The following AGBL1 variants were observed in gnomAD, a reference collection of about 807,000 sequenced individuals.
AGBL1 encodes cytosolic carboxypeptidase 4.
A neutral mutation model predicts 118.9 loss-of-function variants in AGBL1; 130 were observed. The ratio of observed to expected loss-of-function variants is 1.09; its 90% CI spans 0.95 to 1.26. The LOEUF (loss-of-function observed/expected upper bound fraction) is 1.26. Ranked by LOEUF, AGBL1 falls within the 50% of genes most tolerant of loss-of-function variation. The pLI is 0.00. For missense variants in AGBL1, 1,584 were observed against 1,298.1 expected, an observed-to-expected ratio of 1.22 and a Z score of -3.38; for synonymous variants, 555 against 478.9, an observed-to-expected ratio of 1.16 and a Z score of -2.08.
At chr15:86,747,427 G>A (rs2077773351) in intron 22 of AGBL1, among the ~76,000 whole-genome samples, 2 of 152,028 alleles carry the variant, frequency 1.3e-5, no homozygotes, top group African/African-American at 4.8e-5. Flanking sequence ...AAATGTCTAA[G>A]TATGAAAGTC....
At chr15:86,169,847 C>T (rs2077391143) in intron 5 of AGBL1, among the ~76,000 whole-genome samples, 2 of 152,182 alleles carry the variant, frequency 1.3e-5, no homozygotes, top group African/African-American at 4.8e-5. Context: ...GGCTCTGGTC[C>T]TGCCAAACAA....
At chr15:86,580,895 T>C (rs1567068924) in intron 21 of AGBL1, among the ~76,000 whole-genome samples, 1 of 151,808 alleles carries the variant, frequency 6.6e-6, no homozygotes, top group Non-Finnish European at 1.5e-5. Context: ...ATGCTTCTAA[T>C]ATTTGTATTT....
intron 5 of AGBL1, among the ~76,000 whole-genome samples, chr15:86,182,926 T>A (rs1025825690): frequency 3.3e-5 from 5 of 152,168 alleles, no homozygotes; most frequent in Non-Finnish European, 5.9e-5. Context: ...TAGCAAGAGA[T>A]GTTGTTATTT....
At chr15:86,662,332 A>G (rs992680920) in intron 21 of AGBL1, among the ~76,000 whole-genome samples, 17 of 152,358 alleles carry the variant, frequency 1.1e-4, no homozygotes, top group African/African-American at 3.6e-4. Context: ...TGTGCACTTT[A>G]TATCTCATTT....
chr15:86,432,401 C>G (rs2081944938), intron 18 of AGBL1, among the ~76,000 whole-genome samples: 1 of 152,216 alleles, frequency 6.6e-6, no homozygotes, highest in Non-Finnish European at 1.5e-5. Context: ...GAGTCCTGGT[C>G]AGATATTTTG....
At chr15:86,144,577 C>T (rs1410623921) in intron 3 of AGBL1, among the ~76,000 whole-genome samples, 1 of 152,162 alleles carries the variant, frequency 6.6e-6, no homozygotes, top group African/African-American at 2.4e-5. Flanking sequence ...AAACCAAATA[C>T]CTCATGCTGT....
intron 15 of AGBL1, among the ~76,000 whole-genome samples, chr15:86,273,836 A>C (rs2079200100): frequency 6.6e-6 from 1 of 152,162 alleles, no homozygotes; most frequent in African/African-American, 2.4e-5. Flanking sequence ...GAGTATGTTT[A>C]TAGAAGGGTG....
chr15:86,273,938 A>G (rs2079202037), intron 15 of AGBL1, among the ~76,000 whole-genome samples: 1 of 152,208 alleles, frequency 6.6e-6, no homozygotes, highest in Admixed American at 6.5e-5. Context: ...AGTTAAGGAC[A>G]TGGGCTGACT....
chr15:86,884,515 T>A (rs1035417573), intron 22 of AGBL1, among the ~76,000 whole-genome samples: 4 of 152,104 alleles, frequency 2.6e-5, no homozygotes, highest in Non-Finnish European at 5.9e-5. Flanking sequence ...AATAAAAAAG[T>A]TAAAAACAAA....
intron 18 of AGBL1, among the ~76,000 whole-genome samples, chr15:86,417,395 G>C (rs892029927): frequency 3.9e-5 from 6 of 152,068 alleles, no homozygotes; most frequent in African/African-American, 1.2e-4. Flanking sequence ...TGTATTTTTG[G>C]ATCTCTCCAT....
intron 21 of AGBL1, among the ~76,000 whole-genome samples, chr15:86,604,441 G>T (rs944247524): frequency 2.6e-5 from 4 of 152,138 alleles, no homozygotes; most frequent in African/African-American, 9.7e-5. Flanking sequence ...ATCTAATCAT[G>T]AACAGAGCTA....
At chr15:86,426,051 T>C (rs567142987) in intron 18 of AGBL1, among the ~76,000 whole-genome samples, 1 of 152,248 alleles carries the variant, frequency 6.6e-6, no homozygotes, top group South Asian at 2.1e-4. Context: ...AAGCATCAGC[T>C]AGAGTATTGT....
At chr15:86,411,761 G>A (rs2081624437) in intron 18 of AGBL1, among the ~76,000 whole-genome samples, 1 of 151,984 alleles carries the variant, frequency 6.6e-6, no homozygotes, top group Admixed American at 6.6e-5. Flanking sequence ...TCATTACTCT[G>A]CATAATAACA....
At position 86,749,356 on chromosome 15, in the gene AGBL1, A is replaced by G. The variant is rs570844995; in HGVS notation, c.3158+74920A>G. On this transcript the variant is annotated intron_variant, in intron 22 of 22. Transcript: ENST00000614907. ...GAATGCTGGTGAGTTTTGCACATTG[A>G]TTTTGTATCCTGAGACTTTGCTGAA... 3.3e-4 allele frequency among the ~76,000 whole-genome samples: 51 copies of G among 152,246 alleles called. No individual in the cohort carries two copies. The South Asian group carries it at 5.0e-3, about 15-fold the overall frequency.
chr15:86,618,356 C>T (rs530820785), intron 21 of AGBL1, among the ~76,000 whole-genome samples: 144 of 152,258 alleles, frequency 9.5e-4, no homozygotes, highest in Non-Finnish European at 1.7e-3. Context: ...AGATGGGGCT[C>T]ATTACATTCC....
At chr15:86,561,013 T>A (rs1195123610) in intron 21 of AGBL1, among the ~76,000 whole-genome samples, 1 of 152,208 alleles carries the variant, frequency 6.6e-6, no homozygotes, top group Admixed American at 6.5e-5. Context: ...TTTGTTTGAG[T>A]TCTTTGTAGA....
intron 16 of AGBL1, among the ~76,000 whole-genome samples, chr15:86,290,653 A>G (rs2079529834): frequency 6.6e-6 from 1 of 151,480 alleles, no homozygotes; most frequent in Non-Finnish European, 1.5e-5. Flanking sequence ...CACCTGGGCC[A>G]AGTCCTTATT....
intron 22 of AGBL1, among the ~76,000 whole-genome samples, chr15:86,737,412 CACA>C (rs1276712602): frequency 1.3e-5 from 2 of 152,184 alleles, no homozygotes; most frequent in Non-Finnish European, 2.9e-5. Flanking sequence ...TTCTGGTTAT[CACA>C]ACATCTCTAC....
chr15:86,331,085 ATGG>A (rs1181813268), intron 17 of AGBL1, among the ~76,000 whole-genome samples: 7 of 151,914 alleles, frequency 4.6e-5, no homozygotes, highest in Admixed American at 2.0e-4. Flanking sequence ...TTAGCCAGGC[ATGG>A]TGGTGTGCAC....
Sources: allele counts gnomAD v4.1 joint callset (sites outside exome capture counted in the v4.1 genomes callset), GRCh38; gene constraint gnomAD v4.1.1; transcripts MANE v1.5; gene names NCBI Gene and HGNC (gene_info 2026-07-23, HGNC 2026-07-21).